The following KLHL25 variants were observed in gnomAD, a reference collection of about 807,000 sequenced individuals.
KLHL25 encodes the protein kelch-like protein 25.
KLHL25 carries 41 observed loss-of-function variants against 30.0 expected under a neutral mutation model. That is an observed-to-expected ratio of 1.37 (90% confidence interval 1.07 to 1.78). KLHL25 has a LOEUF of 1.78. Among genes scored for constraint, KLHL25 ranks in the 40% most tolerant of loss-of-function variants. The pLI, the probability that KLHL25 is intolerant of heterozygous loss-of-function variation, is 0.00. For missense variants in KLHL25, 971 were observed against 824.5 expected (o/e 1.18, Z -2.18); for synonymous variants, 399 against 355.3 (o/e 1.12, Z -1.38).
chr15:85,764,551 A>T (rs1449524680), intron 2 of KLHL25: 3 of 152,350 alleles, frequency 2.0e-5, no homozygotes, highest in Non-Finnish European at 4.4e-5. Flanking sequence ...GGACTGGCTC[A>T]GTCTTGTGTG....
chr15:85,769,605 C>T lies in KLHL25; in HGVS notation c.206G>A (p.Arg69His), dbSNP rs763964332. The change falls in exon 2 of 3, where the codon CGC (arginine) becomes CAC (histidine). Residue 69 changes from arginine to histidine, a missense_variant. Arg to His is a conservative substitution (Grantham distance 29, BLOSUM62 0). Coordinates refer to ENST00000337975, the MANE Select transcript of KLHL25 (RefSeq NM_022480.4). ...ATGGCTGAACATGGCCTCAAAATAG[C>T]GGCTAGAGGCGGCCAGCACGGCACG... ...CHRAVLAASS[R>H]YFEAMFSHGL... The T allele has an allele frequency of 2.0e-5, 32 of 1,613,104 alleles. No individual in the cohort carries two copies. The highest frequency in any genetic ancestry group is 3.3e-5 in the Admixed American group (2 of 60,010).
chr15:85,772,297 G>T (rs958986943), intron 1 of KLHL25, among the ~76,000 whole-genome samples: 3 of 152,170 alleles, frequency 2.0e-5, no homozygotes, highest in Non-Finnish European at 2.9e-5. Flanking sequence ...TGATGCTGAG[G>T]TTTGGCTTCA....
At chr15:85,763,756 C>G (rs1028477759) in intron 2 of KLHL25, 2 of 152,280 alleles carry the variant, frequency 1.3e-5, no homozygotes, top group Admixed American at 6.5e-5. Context: ...TGGGGACTAG[C>G]GAGAGCTGGA....
intron 1 of KLHL25, chr15:85,770,649 G>T: frequency 2.1e-6 from 1 of 478,398 alleles, no homozygotes; most frequent in Middle Eastern, 3.4e-4. Context: ...CAAGATGACA[G>T]CAGGACATGC....
At chr15:85,761,585 C>T (rs892125833) in intron 2 of KLHL25, 1 of 151,564 alleles carries the variant, frequency 6.6e-6, no homozygotes, top group African/African-American at 2.4e-5. Flanking sequence ...GGTCTGTCCC[C>T]AGCTCTCCTG....
In KLHL25 at chr15:85,785,087, C is replaced by CT. The variant is rs754310721; in HGVS notation, c.-11+9678dup. Among the ~76,000 whole-genome samples, 1,068 of 139,066 alleles carry CT rather than the reference C, an allele frequency of 7.7e-3. 25 individuals are homozygous for CT. The highest frequency in any genetic ancestry group is 0.01 in the African/African-American group (380 of 37,926). The allele number at this position is 139,066 out of a possible 152,430, so 91.2% of individuals were successfully genotyped here. ...CTAGAGAGCAGAGACTGATGTATTT[C>CT]TTTTTTCTTTTTTTTTTTTTTTCTG... On this transcript the variant is annotated intron_variant, in intron 1 of 2. Coordinates refer to ENST00000337975, the MANE Select transcript of KLHL25 (RefSeq NM_022480.4).
At chr15:85,783,311 C>A (rs892285425) in intron 1 of KLHL25, among the ~76,000 whole-genome samples, 3 of 151,710 alleles carry the variant, frequency 2.0e-5, no homozygotes, top group Non-Finnish European at 2.9e-5. Context: ...CCAGGCTGGT[C>A]TCGAACTCCT....
chr15:85,763,737 C>G (rs2089599117), intron 2 of KLHL25: 1 of 152,312 alleles, frequency 6.6e-6, no homozygotes, highest in African/African-American at 2.4e-5. Flanking sequence ...GGAGACTCAG[C>G]CATGCTCGTG....
chr15:85,775,670 C>T (rs2089704673), intron 1 of KLHL25, among the ~76,000 whole-genome samples: 3 of 152,104 alleles, frequency 2.0e-5, no homozygotes, highest in South Asian at 4.1e-4. Context: ...AGGTGTTCAG[C>T]AAGCAGTGGC....
At chr15:85,763,025 C>G (rs11630684) in intron 2 of KLHL25, 9 of 152,172 alleles carry the variant, frequency 5.9e-5, no homozygotes, top group Admixed American at 1.3e-4. Context: ...ATTCGGCAGC[C>G]CCCCCATGCT....
At chr15:85,767,938 A>C in intron 2 of KLHL25, 79 bp downstream of exon 2, 1 of 933,870 alleles carries the variant, frequency 1.1e-6, no homozygotes, top group Non-Finnish European at 1.6e-6. Context: ...GGTGACCTTC[A>C]CCCAGTGGGA....
At chr15:85,767,179 A>T (rs1309835229) in intron 2 of KLHL25, among the ~76,000 whole-genome samples, 2 of 151,712 alleles carry the variant, frequency 1.3e-5, no homozygotes, top group African/African-American at 4.8e-5. Context: ...TTTAGTAGGG[A>T]TGGGGTTTCA....
intron 1 of KLHL25, among the ~76,000 whole-genome samples, chr15:85,790,712 T>C (rs2089810855): frequency 6.6e-6 from 1 of 151,762 alleles, no homozygotes; most frequent in African/African-American, 2.4e-5. Flanking sequence ...AGAGACGGAG[T>C]TGGCCTCGGG....
rs1013018123 is a variant in KLHL25, at chr15:85,768,266, G to A, written c.1545C>T (p.Thr515=). The change falls in exon 2 of 3, where the codon ACC becomes ACT. Residue 515 remains threonine (T), a synonymous_variant. Coordinates refer to ENST00000337975, the MANE Select transcript of KLHL25 (RefSeq NM_022480.4). ...AASAYRFDCE[T]NQWTRIGDMT... ...TGTCCCCAATCCGCGTCCACTGGTT[G>A]GTCTCACAGTCAAAGCGGTAGGCCG... 4.3e-6 allele frequency: 7 copies of A among 1,614,008 alleles called. No homozygotes were observed. The Admixed American group carries it at 6.7e-5, about 15-fold the overall frequency.
At position 85,769,308 on chromosome 15, in the gene KLHL25, G is replaced by C. The variant is rs148608677; in HGVS notation, c.503C>G (p.Ser168Cys). 1.2e-6 allele frequency: 2 copies of C among 1,613,988 alleles called. No individual in the cohort carries two copies. Among genetic ancestry groups the C allele is most frequent in the African/African-American group, 2.7e-5 (2 of 74,942 alleles). The change falls in exon 2 of 3, where the codon TCC becomes TGC. Residue 168 changes from serine to cysteine, a missense_variant. Physicochemically the swap from Ser to Cys is moderately radical, Grantham distance 112. Transcript: ENST00000337975. The stretch of plus-strand genomic sequence containing the variant: ...AAAGTGCACCAGGCACATGCGCCAG[G>C]AGAACTCATACAGCCGGCGGCACTG... ...AHQCRRLYEFSWRMCLVHFET... is the reference protein window; with the variant it reads ...AHQCRRLYEFCWRMCLVHFET...
chr15:85,783,623 T>C lies in KLHL25; in HGVS notation c.-11+11143A>G, dbSNP rs369207922. 1.5e-4 allele frequency among the ~76,000 whole-genome samples: 23 copies of C among 148,800 alleles called. No individual in the cohort carries two copies. In the East Asian group the frequency reaches 4.4e-3, roughly 28 times the overall value. On this transcript the variant is annotated intron_variant, in intron 1 of 2. Transcript: ENST00000337975. ...AGGACTATCGCTTGAACCCAGGAGG[T>C]GCAGCTTGCAGTGAGCTGAGATCGC...
intron 2 of KLHL25, among the ~76,000 whole-genome samples, chr15:85,765,094 C>G (rs959734756): frequency 6.6e-6 from 1 of 152,314 alleles, no homozygotes; most frequent in South Asian, 2.1e-4. Flanking sequence ...AGGCTCAGAC[C>G]AGAGATGGTC....
intron 1 of KLHL25, among the ~76,000 whole-genome samples, chr15:85,792,499 TGGGCTGGTCTTTGG>T (rs2089824142): frequency 6.6e-6 from 1 of 152,070 alleles, no homozygotes; most frequent in South Asian, 2.1e-4. Context: ...GCTCAGACAA[TGGGCTGGTCTTTGG>T]GACCAGGGGG....
At chr15:85,785,187 G>A (rs1167301650) in intron 1 of KLHL25, among the ~76,000 whole-genome samples, 2 of 148,766 alleles carry the variant, frequency 1.3e-5, no homozygotes, top group South Asian at 2.1e-4. Context: ...TCCGCCTCCC[G>A]GGTTCACACC....
Sources: allele counts gnomAD v4.1 joint callset (sites outside exome capture counted in the v4.1 genomes callset), GRCh38; gene constraint gnomAD v4.1.1; transcripts MANE v1.5; gene names NCBI Gene and HGNC (gene_info 2026-07-23, HGNC 2026-07-21).